The following VPS4B variants were observed in gnomAD, a reference collection of about 807,000 sequenced individuals.
VPS4B encodes the protein vacuolar protein sorting 4 homolog B.
Under a neutral mutation model 56.1 loss-of-function variants are expected in VPS4B, and 23 were observed. That is an observed-to-expected ratio of 0.41 (90% CI 0.30 to 0.58). The LOEUF is 0.58. Among genes scored for constraint, VPS4B ranks in the 20% least tolerant of loss-of-function variants. The pLI is 0.29. For missense variants in VPS4B, 372 were observed against 531.9 expected, an observed-to-expected ratio of 0.70 and a Z score of 2.96; for synonymous variants, 177 against 186.0, an observed-to-expected ratio of 0.95 and a Z score of 0.39.
chr18:63,411,725 CAG>C (rs952682443), intron 1 of VPS4B, 147 bp from the exon 2 acceptor site: 3 of 469,408 alleles, frequency 6.4e-6, no homozygotes, highest in African/African-American at 2.0e-5. Flanking sequence ...AAAAAATAAA[CAG>C]TAACTAAAAA....
intron 4 of VPS4B, among the ~76,000 whole-genome samples, chr18:63,406,070 G>C (rs1915911319): frequency 6.6e-6 from 1 of 152,174 alleles, no homozygotes; most frequent in African/African-American, 2.4e-5. Context: ...AGGGTAGGGA[G>C]AGGGAAACAA....
In VPS4B at chr18:63,420,881, T is replaced by C. The variant is rs1231478180; in HGVS notation, c.27+1352A>G. 2.0e-5 allele frequency among the ~76,000 whole-genome samples: 3 copies of C among 151,344 alleles called. 1 individual carries two copies. Among genetic ancestry groups the C allele is most frequent in the Admixed American group, 2.0e-4 (3 of 15,218 alleles). On this transcript the variant is annotated intron_variant, in intron 1 of 10. Coordinates refer to ENST00000238497, the MANE Select transcript of VPS4B (RefSeq NM_004869.4). ...GAAACCTCATCTCTACTACTAAAAATACAAAAATTAGCTGGGCGTGGTGGT... is the reference window on the plus strand; with the variant it reads ...GAAACCTCATCTCTACTACTAAAAACACAAAAATTAGCTGGGCGTGGTGGT...
chr18:63,406,747 T>C (rs1320638856), intron 4 of VPS4B, among the ~76,000 whole-genome samples: 1 of 152,244 alleles, frequency 6.6e-6, no homozygotes, highest in Non-Finnish European at 1.5e-5. Context: ...GAAAGGAAGC[T>C]ATTGCTCATT....
At chr18:63,391,785 G>A (rs746218925) in intron 10 of VPS4B, among the ~76,000 whole-genome samples, 14 of 152,124 alleles carry the variant, frequency 9.2e-5, no homozygotes, top group Non-Finnish European at 1.6e-4. Flanking sequence ...CTTAAGTGAA[G>A]CAGAATACCA....
chr18:63,395,186 G>A (rs901306239), intron 9 of VPS4B, among the ~76,000 whole-genome samples: 2 of 152,140 alleles, frequency 1.3e-5, no homozygotes, highest in African/African-American at 4.8e-5. Flanking sequence ...AGCTCACCCT[G>A]GCAGTAATAT....
At chr18:63,394,049 T>C (rs1207078050) in intron 9 of VPS4B, among the ~76,000 whole-genome samples, 2 of 152,174 alleles carry the variant, frequency 1.3e-5, no homozygotes, top group Non-Finnish European at 2.9e-5. Flanking sequence ...TTTTAGTTTT[T>C]TTCTTGATGC....
rs765128373 is a variant in VPS4B at position 63,399,307 on chromosome 18, A to G, written c.807T>C (p.Asn269=). Residue 269 remains asparagine (N), a synonymous_variant, in exon 8 of 11, where the codon AAT becomes AAC. Coordinates refer to ENST00000238497, the MANE Select transcript of VPS4B (RefSeq NM_004869.4). ...LVQMQGVGVD[N]DGILVLGATN... ...TAGCTCCCAGAACCAAAATTCCATCATTGTCTACACCAACCCCTGCATTAA... is the reference window on the plus strand; with the variant it reads ...TAGCTCCCAGAACCAAAATTCCATCGTTGTCTACACCAACCCCTGCATTAA... 3 of 1,614,044 alleles carry G rather than the reference A, an allele frequency of 1.9e-6. No homozygotes were observed. Among genetic ancestry groups the G allele is most frequent in the Non-Finnish European group, 1.7e-6 (2 of 1,179,928 alleles).
intron 10 of VPS4B, among the ~76,000 whole-genome samples, chr18:63,392,032 G>A (rs1483520973): frequency 6.6e-6 from 1 of 152,028 alleles, no homozygotes; most frequent in Non-Finnish European, 1.5e-5. Context: ...AAACAAAGGG[G>A]TTTCTGAGTA....
intron 1 of VPS4B, among the ~76,000 whole-genome samples, chr18:63,420,307 G>A (rs915802929): frequency 3.9e-4 from 59 of 152,120 alleles, no homozygotes; most frequent in Non-Finnish European, 1.6e-4. Flanking sequence ...AATTAGCCAG[G>A]CGTGGTGGCA....
intron 2 of VPS4B, among the ~76,000 whole-genome samples, chr18:63,411,115 T>A (rs1281582989): frequency 6.6e-6 from 1 of 152,232 alleles, no homozygotes; most frequent in Non-Finnish European, 1.5e-5. Flanking sequence ...TTAAGAGCTA[T>A]GAGGGCAGGG....
At chr18:63,394,543 T>A (rs1410857934) in intron 9 of VPS4B, among the ~76,000 whole-genome samples, 1 of 152,008 alleles carries the variant, frequency 6.6e-6, no homozygotes, top group Non-Finnish European at 1.5e-5. Flanking sequence ...GTCAGCTCAC[T>A]GCAACTTCCA....
At position 63,389,746 on chromosome 18, in the gene VPS4B, T is replaced by A. The variant is rs1915501418; in HGVS notation, c.*1229A>T. 6.6e-6 allele frequency: 1 copy of A among 152,646 alleles called. No individual in the cohort carries two copies. The highest frequency in any genetic ancestry group is 2.4e-5 in the African/African-American group (1 of 41,446). 9.5% of individuals were successfully genotyped at this position (152,646 alleles called of 1,614,324 possible). ...AGGTGAAGGACAAGACCCCATATTATTATCCTGTATTAAAAAAGGAAATAT... is the reference window on the plus strand; with the variant it reads ...AGGTGAAGGACAAGACCCCATATTAATATCCTGTATTAAAAAAGGAAATAT... On this transcript the variant is annotated 3_prime_UTR_variant, in exon 11 of 11. Coordinates refer to ENST00000238497, the MANE Select transcript of VPS4B (RefSeq NM_004869.4).
chr18:63,414,887 C>T lies in VPS4B; in HGVS notation c.28-3309G>A, dbSNP rs1427633918. On this transcript the variant is annotated intron_variant, in intron 1 of 10. Coordinates refer to ENST00000238497, the MANE Select transcript of VPS4B (RefSeq NM_004869.4). ...TTTTTATTAAGTTAAATCTCTTATA[C>T]TGCAGTGGGTATTATTTAAGCATCT... 2.6e-5 allele frequency among the ~76,000 whole-genome samples: 4 copies of T among 152,248 alleles called. No homozygotes were observed. In the East Asian group the frequency reaches 7.7e-4, roughly 29 times the overall value.
chr18:63,400,087 C>T lies in VPS4B; in HGVS notation c.751G>A (p.Ala251Thr), dbSNP rs138933226. 4.7e-5 allele frequency: 76 copies of T among 1,611,962 alleles called. No homozygotes were observed. Among genetic ancestry groups the T allele is most frequent in the South Asian group, 4.2e-4 (38 of 90,776 alleles). The change falls in exon 7 of 11, where the codon GCA becomes ACA. Residue 251 changes from alanine to threonine, a missense_variant. Transcript: ENST00000238497. The stretch of plus-strand genomic sequence containing the variant: ...AGGAACTCCGTCTTAATTCTACGTG[C>T]GGCTTCACTTTCATTTTCACTTCTT... ...GSRSENESEA[A>T]RRIKTEFLVQ...
intron 3 of VPS4B, 91 bp from the exon 4 acceptor site, chr18:63,407,590 A>G (rs1166466256): frequency 5.0e-6 from 5 of 991,238 alleles, no homozygotes; most frequent in Non-Finnish European, 7.4e-6. Context: ...AATATTTGTA[A>G]TTTCAGTGGC....
In VPS4B at chr18:63,398,656, G is replaced by A. The variant is rs181299772; in HGVS notation, c.872+586C>T. Among the ~76,000 whole-genome samples, 456 of 151,942 alleles carry A rather than the reference G, an allele frequency of 3.0e-3. 3 individuals carry two copies. Among genetic ancestry groups the A allele is most frequent in the Non-Finnish European group, 5.0e-3 (341 of 67,962 alleles). On this transcript the variant is annotated intron_variant, in intron 8 of 10. Coordinates refer to ENST00000238497, the MANE Select transcript of VPS4B (RefSeq NM_004869.4). ...ATCGAGACCATCCTGGCCACATGATGAAATCTCGTCTCTACTAAAAATATA... is the reference window on the plus strand; with the variant it reads ...ATCGAGACCATCCTGGCCACATGATAAAATCTCGTCTCTACTAAAAATATA...
At chr18:63,411,415 GAATA>G (rs1916041126) in intron 2 of VPS4B, 48 bp downstream of exon 2, 1 of 1,299,988 alleles carries the variant, frequency 7.7e-7, no homozygotes, top group African/African-American at 1.5e-5. Flanking sequence ...AAATGAAACA[GAATA>G]AATTTTCCTT....
At chr18:63,403,474 T>C (rs983062951) in intron 5 of VPS4B, among the ~76,000 whole-genome samples, 4 of 152,262 alleles carry the variant, frequency 2.6e-5, no homozygotes, top group Admixed American at 6.5e-5. Flanking sequence ...TTCCACTGCA[T>C]GTTGGTGAAT....
chr18:63,420,340 C>T (rs969068728), intron 1 of VPS4B, among the ~76,000 whole-genome samples: 23 of 151,986 alleles, frequency 1.5e-4, no homozygotes, highest in African/African-American at 5.1e-4. Context: ...CCCAGCTACT[C>T]GGGAGGCTGA....
Sources: gnomAD v4.1 joint callset for allele counts (sites outside exome capture counted in the v4.1 genomes callset) on GRCh38, gnomAD v4.1.1 for gene constraint, MANE v1.5 for transcripts, NCBI Gene and HGNC (gene_info 2026-07-23, HGNC 2026-07-21) for gene names.